CSMD1: variants seen among roughly 807,000 people sequenced by gnomAD.
The protein encoded by CSMD1 is CUB and Sushi multiple domains 1.
CSMD1 carries 213 observed loss-of-function variants against 417.5 expected under a neutral mutation model. The observed-to-expected ratio is 0.51, with a 90% CI of 0.46 to 0.57. The LOEUF (loss-of-function observed/expected upper bound fraction) is 0.57, where lower values mean the gene tolerates loss of function less well. Among genes scored for constraint, CSMD1 ranks in the 20% least tolerant of loss-of-function variants. CSMD1 has a pLI of 0.00. For missense variants in CSMD1, 6,923 were observed against 4,529.7 expected, an observed-to-expected ratio of 1.53 and a Z score of -15.17; for synonymous variants, 2,862 against 1,736.8, an observed-to-expected ratio of 1.65 and a Z score of -16.11.
At chr8:4,678,875 T>C (rs1251653154) in intron 1 of CSMD1, among the ~76,000 whole-genome samples, 1 of 152,228 alleles carries the variant, frequency 6.6e-6, no homozygotes, top group African/African-American at 2.4e-5. Context: ...AATTCTGTCA[T>C]TGTAAAAAGT....
At chr8:3,598,847 C>T (rs1185181042) in intron 8 of CSMD1, among the ~76,000 whole-genome samples, 1 of 152,100 alleles carries the variant, frequency 6.6e-6, no homozygotes, top group Non-Finnish European at 1.5e-5. Flanking sequence ...CTTTGGGAGG[C>T]CGACACAGGT....
At chr8:4,733,999 T>C (rs913618203) in intron 1 of CSMD1, among the ~76,000 whole-genome samples, 3 of 152,222 alleles carry the variant, frequency 2.0e-5, no homozygotes, top group Admixed American at 6.5e-5. Flanking sequence ...GATTCTCTTA[T>C]CAAAGAAAGA....
At chr8:4,688,220 C>A (rs1378646463) in intron 1 of CSMD1, among the ~76,000 whole-genome samples, 1 of 152,090 alleles carries the variant, frequency 6.6e-6, no homozygotes, top group African/African-American at 2.4e-5. Context: ...AATATCAATC[C>A]TTATATCTTA....
At chr8:3,235,814 C>T (rs185173915) in intron 26 of CSMD1, among the ~76,000 whole-genome samples, 1 of 150,894 alleles carries the variant, frequency 6.6e-6, no homozygotes, top group African/African-American at 2.4e-5. Flanking sequence ...ATGCAGCATG[C>T]AATTAAAAGT....
At chr8:4,593,597 C>A (rs951887617) in intron 2 of CSMD1, among the ~76,000 whole-genome samples, 1 of 152,012 alleles carries the variant, frequency 6.6e-6, no homozygotes. Context: ...TAGAAAATAA[C>A]AAATGACAGA....
At chr8:3,372,330 G>C (rs981083787) in intron 18 of CSMD1, among the ~76,000 whole-genome samples, 1 of 152,144 alleles carries the variant, frequency 6.6e-6, no homozygotes, top group African/African-American at 2.4e-5. Flanking sequence ...GGGGGTCCTT[G>C]TAAGGGTTGG....
chr8:2,960,558 C>T (rs1381004311), intron 62 of CSMD1, among the ~76,000 whole-genome samples: 4 of 152,152 alleles, frequency 2.6e-5, no homozygotes, highest in African/African-American at 2.4e-5. Context: ...CTCCAACGTT[C>T]ACTGAAGTGT....
chr8:4,313,988 T>G (rs557835262), intron 3 of CSMD1, among the ~76,000 whole-genome samples: 1 of 151,666 alleles, frequency 6.6e-6, no homozygotes, highest in East Asian at 1.9e-4. Context: ...CACTCCAGCC[T>G]GGGCAACAAA....
At chr8:4,607,468 G>A (rs1294783596) in intron 2 of CSMD1, among the ~76,000 whole-genome samples, 1 of 152,146 alleles carries the variant, frequency 6.6e-6, no homozygotes, top group Non-Finnish European at 1.5e-5. Flanking sequence ...GCTAGGGCCT[G>A]ATACGACCCA....
chr8:3,254,211 C>T (rs893193601), intron 26 of CSMD1, among the ~76,000 whole-genome samples: 13 of 152,198 alleles, frequency 8.5e-5, no homozygotes, highest in Non-Finnish European at 1.9e-4. Context: ...CCCCCACTCT[C>T]TTCTGGCTTG....
chr8:3,630,143 C>A (rs372522286), intron 7 of CSMD1, among the ~76,000 whole-genome samples: 11 of 152,202 alleles, frequency 7.2e-5, no homozygotes, highest in African/African-American at 2.7e-4. Context: ...ATTCAACATC[C>A]AGTCAGTGAA....
chr8:3,997,018 C>G (rs950895505), intron 5 of CSMD1, among the ~76,000 whole-genome samples: 2 of 152,188 alleles, frequency 1.3e-5, no homozygotes, highest in South Asian at 4.1e-4. Context: ...CCTCTTCCTA[C>G]TCATAAATGG....
intron 1 of CSMD1, among the ~76,000 whole-genome samples, chr8:4,714,725 T>C (rs1044070960): frequency 1.3e-5 from 2 of 152,160 alleles, no homozygotes; most frequent in African/African-American, 2.4e-5. Context: ...AATTTCCACT[T>C]GTAGAAATTA....
chr8:4,841,236 G>A (rs570458690), intron 1 of CSMD1, among the ~76,000 whole-genome samples: 1 of 152,206 alleles, frequency 6.6e-6, no homozygotes, highest in African/African-American at 2.4e-5. Context: ...GGAAACAAGT[G>A]CAATGGCATG....
chr8:4,347,750 G>A (rs143492621), intron 3 of CSMD1, among the ~76,000 whole-genome samples: 2 of 152,204 alleles, frequency 1.3e-5, no homozygotes, highest in East Asian at 1.9e-4. Context: ...TAGCAAGCAT[G>A]TATTGCCAAG....
intron 25 of CSMD1, among the ~76,000 whole-genome samples, chr8:3,301,471 A>T (rs1804402650): frequency 6.6e-6 from 1 of 152,194 alleles, no homozygotes; most frequent in Admixed American, 6.5e-5. Context: ...TGATGAAGAG[A>T]AATGATGAGA....
chr8:3,983,689 T>G (rs1721442898), intron 5 of CSMD1, among the ~76,000 whole-genome samples: 2 of 152,242 alleles, frequency 1.3e-5, no homozygotes. Flanking sequence ...GGACAAGTTC[T>G]AATCCCATGG....
chr8:3,043,554 A>T (rs1262472328), intron 50 of CSMD1, among the ~76,000 whole-genome samples: 2 of 152,144 alleles, frequency 1.3e-5, no homozygotes, highest in African/African-American at 4.8e-5. Flanking sequence ...TGCCCAGCAT[A>T]GAGTAGGTCC....
intron 2 of CSMD1, among the ~76,000 whole-genome samples, chr8:4,618,352 T>A (rs1211564489): frequency 6.6e-6 from 1 of 152,072 alleles, no homozygotes; most frequent in East Asian, 1.9e-4. Flanking sequence ...GAACACACTT[T>A]TGCAGGATGT....
Sources: allele counts gnomAD v4.1 joint callset (sites outside exome capture counted in the v4.1 genomes callset), GRCh38; gene constraint gnomAD v4.1.1; transcripts MANE v1.5; gene names NCBI Gene and HGNC (gene_info 2026-07-23, HGNC 2026-07-21).